The following ULK4 variants were observed in gnomAD, a reference collection of about 807,000 sequenced individuals.
ULK4 encodes unc-51 like kinase 4, also known as inactive serine/threonine-protein kinase ULK4.
In ULK4, 133 loss-of-function variants were observed where a neutral mutation model predicts 160.6. That is an observed-to-expected ratio of 0.83 (90% CI 0.72 to 0.96). The LOEUF (loss-of-function observed/expected upper bound fraction) is 0.96. Ranked by LOEUF, ULK4 falls within the 40% of genes least tolerant of loss-of-function variation. ULK4 has a pLI of 0.00. For synonymous variants in ULK4, 534 were observed against 539.8 expected, an observed-to-expected ratio of 0.99 and a Z score of 0.15; for missense variants, 1,580 against 1,499.5, an observed-to-expected ratio of 1.05 and a Z score of -0.89.
chr3:41,709,260 G>A (rs1344835512), intron 25 of ULK4, among the ~76,000 whole-genome samples: 1 of 152,108 alleles, frequency 6.6e-6, no homozygotes, highest in African/African-American at 2.4e-5. Context: ...GACATTTATT[G>A]TCTAGGTTAT....
At chr3:41,424,097 C>T (rs1158516157) in intron 34 of ULK4, among the ~76,000 whole-genome samples, 1 of 152,120 alleles carries the variant, frequency 6.6e-6, no homozygotes, top group Non-Finnish European at 1.5e-5. Context: ...CATCTTTCCC[C>T]TGCCAGTGCT....
chr3:41,780,867 A>G (rs780619323), intron 21 of ULK4, among the ~76,000 whole-genome samples: 1 of 152,180 alleles, frequency 6.6e-6, no homozygotes, highest in Non-Finnish European at 1.5e-5. Context: ...GGTTGGTCTT[A>G]TCGGGTTCCC....
At chr3:41,376,544 AT>A (rs1244921890) in intron 35 of ULK4, among the ~76,000 whole-genome samples, 5 of 150,172 alleles carry the variant, frequency 3.3e-5, no homozygotes, top group Non-Finnish European at 5.9e-5. Context: ...TACAAAATCA[AT>A]GTACAAAAAT....
chr3:41,365,543 T>G (rs998079175), intron 35 of ULK4, among the ~76,000 whole-genome samples: 1 of 152,252 alleles, frequency 6.6e-6, no homozygotes. Context: ...TCCAGGCACA[T>G]GCTAAGCACT....
chr3:41,699,675 T>C (rs1165448984), intron 27 of ULK4, among the ~76,000 whole-genome samples: 1 of 152,204 alleles, frequency 6.6e-6, no homozygotes, highest in Non-Finnish European at 1.5e-5. Context: ...CCATACAATA[T>C]AGTATTGATC....
At chr3:41,866,592 T>A (rs1198068042) in intron 17 of ULK4, among the ~76,000 whole-genome samples, 1 of 152,198 alleles carries the variant, frequency 6.6e-6, no homozygotes, top group Non-Finnish European at 1.5e-5. Context: ...GGCCCACCAC[T>A]CACCTCCTGC....
chr3:41,627,873 G>A (rs2033591195), intron 30 of ULK4, among the ~76,000 whole-genome samples: 1 of 152,156 alleles, frequency 6.6e-6, no homozygotes, highest in African/African-American at 2.4e-5. Flanking sequence ...GTTATGATGT[G>A]GGGAGGGGCA....
intron 35 of ULK4, among the ~76,000 whole-genome samples, chr3:41,326,908 A>G (rs1172058689): frequency 6.6e-6 from 1 of 152,168 alleles, no homozygotes; most frequent in Non-Finnish European, 1.5e-5. Flanking sequence ...TAAGAACAGG[A>G]CCTTTAAGGA....
At chr3:41,842,952 T>C (rs143722262) in intron 17 of ULK4, among the ~76,000 whole-genome samples, 1 of 152,332 alleles carries the variant, frequency 6.6e-6, no homozygotes, top group African/African-American at 2.4e-5. Context: ...TAAATAGTGC[T>C]GAAGCCATCA....
intron 34 of ULK4, among the ~76,000 whole-genome samples, chr3:41,413,903 G>C (rs1412438977): frequency 6.6e-6 from 1 of 152,160 alleles, no homozygotes; most frequent in African/African-American, 2.4e-5. Flanking sequence ...ATCATTTTTA[G>C]TATAAGTACG....
chr3:41,475,943 G>A (rs1405701204), intron 32 of ULK4, among the ~76,000 whole-genome samples: 2 of 150,770 alleles, frequency 1.3e-5, no homozygotes, highest in South Asian at 2.1e-4. Context: ...GAAGGAGGGA[G>A]AAGGGAGGAA....
chr3:41,453,887 T>A (rs1440347443), intron 34 of ULK4, among the ~76,000 whole-genome samples: 1 of 151,772 alleles, frequency 6.6e-6, no homozygotes, highest in Admixed American at 6.6e-5. Context: ...GGGACATGGA[T>A]GAAGCTGGAA....
intron 35 of ULK4, among the ~76,000 whole-genome samples, chr3:41,367,020 C>T (rs1273215665): frequency 2.0e-5 from 3 of 152,178 alleles, no homozygotes; most frequent in African/African-American, 2.4e-5. Context: ...ATCTGAAAGT[C>T]GTATTTTACG....
At chr3:41,790,967 T>C (rs1317306693) in intron 20 of ULK4, among the ~76,000 whole-genome samples, 1 of 152,216 alleles carries the variant, frequency 6.6e-6, no homozygotes, top group African/African-American at 2.4e-5. Flanking sequence ...CCCTGATTTA[T>C]ATTTTAAACA....
At chr3:41,661,047 T>G (rs958045066) in intron 30 of ULK4, among the ~76,000 whole-genome samples, 1 of 152,158 alleles carries the variant, frequency 6.6e-6, no homozygotes, top group African/African-American at 2.4e-5. Flanking sequence ...TTTGCCTTAG[T>G]AGAATTTTAT....
chr3:41,837,893 A>C (rs2041806376), intron 17 of ULK4, among the ~76,000 whole-genome samples: 1 of 152,146 alleles, frequency 6.6e-6, no homozygotes, highest in Admixed American at 6.5e-5. Context: ...AACGTATTCT[A>C]TTGTATGGAT....
At chr3:41,883,411 G>A (rs184834798) in intron 17 of ULK4, among the ~76,000 whole-genome samples, 3 of 152,148 alleles carry the variant, frequency 2.0e-5, no homozygotes, top group African/African-American at 7.2e-5. Context: ...GCCTCTCCCA[G>A]TTCAAGGGAT....
At chr3:41,956,267 G>A (rs904932617) in intron 1 of ULK4, among the ~76,000 whole-genome samples, 3 of 152,200 alleles carry the variant, frequency 2.0e-5, no homozygotes, top group Non-Finnish European at 4.4e-5. Flanking sequence ...TAGACCGATT[G>A]CAGGCCACCA....
intron 2 of ULK4, among the ~76,000 whole-genome samples, chr3:41,942,275 T>C (rs1033048814): frequency 6.6e-6 from 1 of 152,174 alleles, no homozygotes; most frequent in African/African-American, 2.4e-5. Flanking sequence ...ACCCAACACT[T>C]TGGGAGGCCA....
Sources: gnomAD v4.1 joint callset for allele counts (sites outside exome capture counted in the v4.1 genomes callset) on GRCh38, gnomAD v4.1.1 for gene constraint, MANE v1.5 for transcripts, NCBI Gene and HGNC (gene_info 2026-07-23, HGNC 2026-07-21) for gene names.